MLLT10: variants seen among roughly 807,000 people sequenced by gnomAD.
The protein encoded by MLLT10 is protein AF-10.
Under a neutral mutation model 129.1 loss-of-function variants are expected in MLLT10, and 30 were observed. That is an observed-to-expected ratio of 0.23 (90% CI 0.17 to 0.32). MLLT10 has a LOEUF of 0.32. Ranked by LOEUF, MLLT10 falls within the 10% of genes least tolerant of loss-of-function variation. The probability of loss-of-function intolerance (pLI) is 1.00; values close to 1 mark genes in which losing one functional copy is unlikely to be tolerated. For synonymous variants in MLLT10, 490 were observed against 446.4 expected, an observed-to-expected ratio of 1.10 and a Z score of -1.23; for missense variants, 1,119 against 1,268.3, an observed-to-expected ratio of 0.88 and a Z score of 1.79.
intron 8 of MLLT10, among the ~76,000 whole-genome samples, chr10:21,620,731 CCCAGGCTGGAGTGCAGTGGCTCGAT>C (rs1231985157): frequency 6.6e-6 from 1 of 152,064 alleles, no homozygotes; most frequent in Non-Finnish European, 1.5e-5. Flanking sequence ...GCTGTTGTCG[CCCAGGCTGGAGTGCAGTGGCTCGAT>C]CTTGGCTCCC....
intron 3 of MLLT10, among the ~76,000 whole-genome samples, chr10:21,563,970 G>A (rs1369539990): frequency 6.6e-6 from 1 of 151,808 alleles, no homozygotes; most frequent in Non-Finnish European, 1.5e-5. Flanking sequence ...CTGCCACCAC[G>A]ACTGGCTAAT....
intron 14 of MLLT10, among the ~76,000 whole-genome samples, chr10:21,715,913 A>T (rs2056516022): frequency 6.6e-6 from 1 of 152,226 alleles, no homozygotes; most frequent in South Asian, 2.1e-4. Flanking sequence ...GTGTACTGAG[A>T]TACCTACATC....
At chr10:21,675,428 T>C (rs926448955) in intron 11 of MLLT10, among the ~76,000 whole-genome samples, 1 of 152,240 alleles carries the variant, frequency 6.6e-6, no homozygotes, top group Admixed American at 6.5e-5. Context: ...AAACATTGTT[T>C]AATGTGTTAA....
chr10:21,665,305 G>T (rs138942406), intron 9 of MLLT10, among the ~76,000 whole-genome samples: 2 of 136,846 alleles, frequency 1.5e-5, no homozygotes, highest in African/African-American at 2.8e-5. Flanking sequence ...TTTTTTTGGG[G>T]GGGGGGGGGT....
chr10:21,652,895 C>T (rs933163174), intron 9 of MLLT10, among the ~76,000 whole-genome samples: 1 of 152,086 alleles, frequency 6.6e-6, no homozygotes, highest in East Asian at 1.9e-4. Context: ...ACATACAAAG[C>T]CCACCTGACT....
At chr10:21,714,061 A>G in intron 14 of MLLT10, 111 bp downstream of exon 14, 1 of 858,550 alleles carries the variant, frequency 1.2e-6, no homozygotes, top group Non-Finnish European at 1.7e-6. Flanking sequence ...GAATTTATGA[A>G]ATACCTCAAT....
In MLLT10 at chr10:21,566,893, A is replaced by G. The variant is rs527853849; in HGVS notation, c.241-19401A>G. ...CAATGGCATGATCTCGGCTCACCTCAACCTCCGCCTTCCGGGTTCAAGCGA... is the reference window on the plus strand; with the variant it reads ...CAATGGCATGATCTCGGCTCACCTCGACCTCCGCCTTCCGGGTTCAAGCGA... On this transcript the variant is annotated intron_variant, in intron 3 of 22. Coordinates refer to ENST00000307729, the MANE Select transcript of MLLT10 (RefSeq NM_001195626.3). 2.3e-4 allele frequency among the ~76,000 whole-genome samples: 35 copies of G among 151,838 alleles called. No homozygotes were observed. In the South Asian group the frequency reaches 6.5e-3, roughly 28 times the overall value.
chr10:21,704,028 T>G (rs1287516232), intron 13 of MLLT10, among the ~76,000 whole-genome samples: 36 of 138,136 alleles, frequency 2.6e-4, no homozygotes, highest in African/African-American at 7.3e-4. Flanking sequence ...TTTTTTTTTT[T>G]TTTTTTTTTT....
rs1030803141 is a variant in MLLT10 at position 21,617,144 on chromosome 10, T to C, written c.636T>C (p.Tyr212=). Residue 212 remains tyrosine (Y), a synonymous_variant, in exon 8 of 23, where the codon TAT becomes TAC. Coordinates refer to ENST00000307729, the MANE Select transcript of MLLT10 (RefSeq NM_001195626.3). ...GCAAACGGGGATCTAATAGGTCATATGATCAAAGTTTAAGTGATTCTTCCT... is the reference window on the plus strand; with the variant it reads ...GCAAACGGGGATCTAATAGGTCATACGATCAAAGTTTAAGTGATTCTTCCT... The part of the protein sequence containing the change: ...KKSKRGSNRS[Y]DQSLSDSSSH... 1 of 1,539,154 alleles carries C rather than the reference T, an allele frequency of 6.5e-7. No homozygotes were observed.
In MLLT10 at chr10:21,673,891, C is replaced by T. The variant is rs2051773437; in HGVS notation, c.1593C>T (p.Leu531=). The T allele has an allele frequency of 6.2e-7, 1 of 1,608,186 alleles. No individual in the cohort carries two copies. The highest frequency in any genetic ancestry group is 8.5e-7 in the Non-Finnish European group (1 of 1,177,364). Residue 531 remains leucine (L), a synonymous_variant, in exon 11 of 23, where the codon CTC becomes CTT. Coordinates refer to ENST00000307729, the MANE Select transcript of MLLT10 (RefSeq NM_001195626.3). ...TLLRNGSLQS[L]SVGSSPVGSE... The stretch of plus-strand genomic sequence containing the variant: ...TCAGGAATGGAAGTTTACAGAGCCT[C>T]AGTGTTGGCTCATCTCCAGTTGGTT...
chr10:21,679,138 G>A (rs181919141), intron 11 of MLLT10, among the ~76,000 whole-genome samples: 1 of 152,322 alleles, frequency 6.6e-6, no homozygotes, highest in East Asian at 1.9e-4. Context: ...ATGGATTGAA[G>A]TGTGTCCTGA....
chr10:21,736,236 G>T (rs1231855767), intron 21 of MLLT10, among the ~76,000 whole-genome samples: 2 of 152,180 alleles, frequency 1.3e-5, no homozygotes, highest in African/African-American at 4.8e-5. Flanking sequence ...GGAGACGTAG[G>T]TGTTAAAATA....
intron 8 of MLLT10, among the ~76,000 whole-genome samples, chr10:21,633,883 A>G (rs34600782): frequency 0.042 from 6,472 of 152,300 alleles, 197 homozygotes; most frequent in Non-Finnish European, 0.064. Context: ...TGTTCGAGCA[A>G]TGTCCTAATT....
At chr10:21,673,318 C>CCAGTT in intron 10 of MLLT10, 32 bp from the exon 11 acceptor site, 1 of 307,342 alleles carries the variant, frequency 3.3e-6, no homozygotes, top group East Asian at 7.1e-5. Context: ...CACCCCCCAA[C>CCAGTT]TTTTTTTTTT....
chr10:21,726,932 T>G (rs1437893185), intron 15 of MLLT10, among the ~76,000 whole-genome samples: 2 of 152,198 alleles, frequency 1.3e-5, no homozygotes, highest in Non-Finnish European at 2.9e-5. Context: ...TCTGCAGTGT[T>G]TAGTAATCCT....
chr10:21,707,189 ATT>A (rs1199544245), intron 13 of MLLT10, among the ~76,000 whole-genome samples: 14 of 122,470 alleles, frequency 1.1e-4, no homozygotes, highest in Admixed American at 1.6e-4. Flanking sequence ...AGTTTAGATG[ATT>A]TTTTTTTTTT....
In MLLT10 at chr10:21,627,040, AT is replaced by A. The variant is rs1259531109; in HGVS notation, c.699+9844del. Among the ~76,000 whole-genome samples, 1,456 of 149,540 alleles carry A rather than the reference AT, an allele frequency of 9.7e-3. 13 individuals are homozygous for A. The highest frequency in any genetic ancestry group is 0.033 in the African/African-American group (1,332 of 40,934). On this transcript the variant is annotated intron_variant, in intron 8 of 22. Coordinates refer to ENST00000307729, the MANE Select transcript of MLLT10 (RefSeq NM_001195626.3). ...TTGAGCCAGGCAGCCAGTAGGATTA[AT>A]TTTTTTTTTTAAACTTTTGGTTTTT... is the stretch of plus-strand genomic sequence containing the variant.
chr10:21,586,344 TG>T lies in MLLT10; in HGVS notation c.295+1del. On this transcript the variant is annotated frameshift_variant, in exon 4 of 23. Transcript: ENST00000307729. LOFTEE classifies it high-confidence loss of function. Reference protein sequence around the residue: ...KDGALKRTDNGGWAHVVCALY... With the variant: ...KDGALKRTDNXGWAHVVCALY... Reference sequence around the variant, plus strand: ...ATGGAGCTTTAAAAAGAACAGATAATGGGGGTAAGTGCAGAGATTTCTTGAA... The same window carrying T: ...ATGGAGCTTTAAAAAGAACAGATAATGGGGTAAGTGCAGAGATTTCTTGAA... 6.3e-7 allele frequency: 1 copy of T among 1,585,376 alleles called. No homozygotes were observed. Among genetic ancestry groups the T allele is most frequent in the Admixed American group, 1.8e-5 (1 of 56,048 alleles).
intron 11 of MLLT10, among the ~76,000 whole-genome samples, chr10:21,676,261 CA>C (rs371095929): frequency 2.2e-4 from 34 of 151,640 alleles, no homozygotes; most frequent in African/African-American, 8.2e-4. Flanking sequence ...ACTAAAAATA[CA>C]AAAAAGTAGC....
Sources: allele counts gnomAD v4.1 joint callset (sites outside exome capture counted in the v4.1 genomes callset), GRCh38; gene constraint gnomAD v4.1.1; transcripts MANE v1.5; gene names NCBI Gene and HGNC (gene_info 2026-07-23, HGNC 2026-07-21).